DLC1: variants seen among roughly 807,000 people sequenced by gnomAD.
The protein encoded by DLC1 is rho GTPase-activating protein 7.
DLC1 carries 54 observed loss-of-function variants against 140.3 expected under a neutral mutation model. The ratio of observed to expected loss-of-function variants is 0.38; its 90% CI spans 0.31 to 0.48. DLC1 has a LOEUF of 0.48. Ranked by LOEUF, DLC1 falls within the 20% of genes least tolerant of loss-of-function variation. The pLI is 0.96. For missense variants in DLC1, 2,536 were observed against 1,907.0 expected, an observed-to-expected ratio of 1.33 and a Z score of -6.14; for synonymous variants, 986 against 728.1, an observed-to-expected ratio of 1.35 and a Z score of -5.70.
intron 2 of DLC1, among the ~76,000 whole-genome samples, chr8:13,490,053 C>T (rs539440255): frequency 2.0e-5 from 3 of 150,956 alleles, no homozygotes; most frequent in African/African-American, 4.8e-5. Context: ...TTAAATACAC[C>T]CCCCACTTTA....
chr8:13,339,802 A>G (rs1833960005), intron 4 of DLC1: 1 of 152,218 alleles, frequency 6.6e-6, no homozygotes, highest in South Asian at 2.1e-4. Context: ...TAGATAGTTT[A>G]CAAAGTTTTT....
intron 5 of DLC1, among the ~76,000 whole-genome samples, chr8:13,162,294 T>C (rs1319958195): frequency 6.8e-6 from 1 of 147,780 alleles, no homozygotes; most frequent in Non-Finnish European, 1.5e-5. Context: ...GGCAACTCAA[T>C]GATGGTAGTC....
chr8:13,164,747 T>G (rs1012030644), intron 5 of DLC1, among the ~76,000 whole-genome samples: 3 of 152,200 alleles, frequency 2.0e-5, no homozygotes, highest in African/African-American at 7.2e-5. Flanking sequence ...AGACTTCTCC[T>G]TCAGAGCTTT....
At chr8:13,089,980 A>G (rs1817906607) in intron 15 of DLC1, among the ~76,000 whole-genome samples, 1 of 152,242 alleles carries the variant, frequency 6.6e-6, no homozygotes, top group South Asian at 2.1e-4. Context: ...AAAACATTCT[A>G]GGGAAGTCTA....
At chr8:13,318,613 A>G (rs1209700838) in intron 4 of DLC1, among the ~76,000 whole-genome samples, 1 of 152,232 alleles carries the variant, frequency 6.6e-6, no homozygotes, top group Non-Finnish European at 1.5e-5. Flanking sequence ...AACTAAAGAT[A>G]TTGGTATGGA....
chr8:13,186,156 G>C (rs546249945), intron 5 of DLC1, among the ~76,000 whole-genome samples: 1 of 152,120 alleles, frequency 6.6e-6, no homozygotes, highest in African/African-American at 2.4e-5. Flanking sequence ...AAGTATCTTT[G>C]TGGTGTTCTC....
At chr8:13,589,733 G>A (rs1312106594) in intron 1 of DLC1, among the ~76,000 whole-genome samples, 2 of 150,364 alleles carry the variant, frequency 1.3e-5, no homozygotes, top group Admixed American at 6.6e-5. Flanking sequence ...TACACCAGTG[G>A]GAACAGTTAT....
intron 1 of DLC1, among the ~76,000 whole-genome samples, chr8:13,585,495 C>T (rs939658164): frequency 2.6e-5 from 4 of 152,176 alleles, no homozygotes; most frequent in African/African-American, 9.7e-5. Context: ...TTAAGTTGTA[C>T]TTTGTAATTT....
chr8:13,395,305 T>G (rs1836985757), intron 3 of DLC1, among the ~76,000 whole-genome samples: 1 of 152,096 alleles, frequency 6.6e-6, no homozygotes, highest in South Asian at 2.1e-4. Context: ...GTATTTTTAG[T>G]AGAGACGGGG....
At chr8:13,406,650 T>C (rs766847235) in intron 2 of DLC1, among the ~76,000 whole-genome samples, 5 of 152,326 alleles carry the variant, frequency 3.3e-5, no homozygotes, top group African/African-American at 2.4e-5. Context: ...TCGGTAATTA[T>C]GTTTACTCTT....
chr8:13,389,818 G>C (rs1347605953), intron 4 of DLC1, among the ~76,000 whole-genome samples: 3 of 152,090 alleles, frequency 2.0e-5, no homozygotes, highest in Non-Finnish European at 4.4e-5. Flanking sequence ...GCAAATCAAA[G>C]GTAACCTTAA....
intron 2 of DLC1, among the ~76,000 whole-genome samples, chr8:13,426,083 A>G (rs1007485577): frequency 3.9e-5 from 6 of 152,100 alleles, no homozygotes; most frequent in African/African-American, 1.4e-4. Context: ...AAAGTGCTGG[A>G]ATTACAGGTG....
At chr8:13,324,257 G>C (rs1200221381) in intron 4 of DLC1, among the ~76,000 whole-genome samples, 1 of 152,140 alleles carries the variant, frequency 6.6e-6, no homozygotes, top group African/African-American at 2.4e-5. Context: ...ATATGTAGTA[G>C]ACATGTCTCT....
At chr8:13,488,796 C>T (rs1403746443) in intron 2 of DLC1, among the ~76,000 whole-genome samples, 1 of 152,194 alleles carries the variant, frequency 6.6e-6, no homozygotes. Flanking sequence ...TTGTGTGTTA[C>T]ATTGCCCCTA....
At position 13,501,145 on chromosome 8, in the gene DLC1, C is replaced by T. The variant is rs558442189; in HGVS notation, c.-125-949G>A. 1.4e-4 allele frequency among the ~76,000 whole-genome samples: 21 copies of T among 152,286 alleles called. 1 individual carries two copies. Among genetic ancestry groups the T allele is most frequent in the Admixed American group, 2.6e-4 (4 of 15,294 alleles). Reference sequence around the variant, plus strand: ...TGACTATAAGACAATTGGGACTATTCTTCAGAAACTTCAGTCTCATTCTGT... The same window carrying T: ...TGACTATAAGACAATTGGGACTATTTTTCAGAAACTTCAGTCTCATTCTGT... On this transcript the variant is annotated intron_variant, in intron 1 of 17. Transcript: ENST00000276297.
intron 4 of DLC1, among the ~76,000 whole-genome samples, chr8:13,327,705 G>A (rs573333898): frequency 5.3e-5 from 8 of 152,280 alleles, no homozygotes; most frequent in African/African-American, 1.4e-4. Context: ...TCTGTATCAG[G>A]CACTGTGCCA....
At chr8:13,328,769 A>G (rs1833472884) in intron 4 of DLC1, among the ~76,000 whole-genome samples, 2 of 151,090 alleles carry the variant, frequency 1.3e-5, no homozygotes, top group Admixed American at 1.3e-4. Flanking sequence ...TGTGATGAGC[A>G]CCAGCCAGAG....
At chr8:13,382,633 C>T (rs1021251751) in intron 4 of DLC1, among the ~76,000 whole-genome samples, 2 of 150,320 alleles carry the variant, frequency 1.3e-5, no homozygotes, top group African/African-American at 4.9e-5. Context: ...CCTTTCTAGA[C>T]AGCAAATGAT....
At position 13,129,267 on chromosome 8, in the gene DLC1, C is replaced by A. The variant is rs142147224; in HGVS notation, c.1349-13610G>T. ...ACCTCCCTCTGCATTCATCCATATG[C>A]AAAGGCCACAGAGTCAGAAATAGAG... On this transcript the variant is annotated intron_variant, in intron 5 of 17. Coordinates refer to ENST00000276297, the MANE Select transcript of DLC1 (RefSeq NM_182643.3). Among the ~76,000 whole-genome samples, 497 of 152,326 alleles carry A rather than the reference C, an allele frequency of 3.3e-3. 2 individuals carry two copies. Among genetic ancestry groups the A allele is most frequent in the African/African-American group, 0.012 (479 of 41,566 alleles).
Sources: gnomAD v4.1 joint callset for allele counts (sites outside exome capture counted in the v4.1 genomes callset) on GRCh38, gnomAD v4.1.1 for gene constraint, MANE v1.5 for transcripts, NCBI Gene and HGNC (gene_info 2026-07-23, HGNC 2026-07-21) for gene names.